ENTREP2: variants seen among roughly 807,000 people sequenced by gnomAD.
ENTREP2 encodes protein ENTREP2.
the ENTREP2 span, among the ~76,000 whole-genome samples, chr15:29,485,430 G>T: frequency 1.3e-5 from 2 of 152,166 alleles, no homozygotes; most frequent in South Asian, 4.1e-4. Context: ...GCTGCTGAAG[G>T]ACTGATTCAA....
the ENTREP2 span, among the ~76,000 whole-genome samples, chr15:29,205,567 A>G: frequency 1.3e-5 from 2 of 152,096 alleles, no homozygotes; most frequent in South Asian, 2.1e-4. Flanking sequence ...TTCCCTAACC[A>G]TTAGTGATGT....
the ENTREP2 span, chr15:29,570,476 C>A: frequency 8.0e-7 from 1 of 1,246,560 alleles, no homozygotes. Context: ...GTCCCCGGAG[C>A]CCGTCCCCGC....
chr15:29,499,596 A>C, the ENTREP2 span, among the ~76,000 whole-genome samples: 1 of 151,620 alleles, frequency 6.6e-6, no homozygotes, highest in East Asian at 1.9e-4. Context: ...GGCTGATGTC[A>C]AACACCTAGG....
chr15:29,385,540 G>A, the ENTREP2 span, among the ~76,000 whole-genome samples: 53 of 152,290 alleles, frequency 3.5e-4, no homozygotes, highest in Non-Finnish European at 5.3e-4. Context: ...GTGACCCCTG[G>A]CCTTACAGAA....
chr15:29,509,484 C>T, the ENTREP2 span, among the ~76,000 whole-genome samples: 59 of 152,256 alleles, frequency 3.9e-4, no homozygotes, highest in Non-Finnish European at 7.8e-4. Flanking sequence ...GAGGGCATCA[C>T]GCTACCTGAC....
chr15:29,149,707 T>C, the ENTREP2 span, among the ~76,000 whole-genome samples: 1 of 152,196 alleles, frequency 6.6e-6, no homozygotes, highest in African/African-American at 2.4e-5. Context: ...TAGGGCGCCA[T>C]GGCCACCCTC....
chr15:29,333,303 T>G, the ENTREP2 span, among the ~76,000 whole-genome samples: 7 of 152,118 alleles, frequency 4.6e-5, no homozygotes, highest in African/African-American at 1.7e-4. Flanking sequence ...ACCTCTGACC[T>G]CTGAGCTGAG....
chr15:29,422,097 G>A, the ENTREP2 span, among the ~76,000 whole-genome samples: 2 of 152,002 alleles, frequency 1.3e-5, no homozygotes, highest in Non-Finnish European at 2.9e-5. Flanking sequence ...GTGGAACCCT[G>A]TCTGTACTAA....
the ENTREP2 span, among the ~76,000 whole-genome samples, chr15:29,569,303 C>T: frequency 5.3e-5 from 8 of 151,990 alleles, no homozygotes; most frequent in African/African-American, 1.9e-4. Flanking sequence ...ACACCTGTAT[C>T]GATCGAGGTG....
chr15:29,352,823 T>C, the ENTREP2 span, among the ~76,000 whole-genome samples: 9,581 of 152,292 alleles, frequency 0.063, 524 homozygotes, highest in African/African-American at 0.14. Flanking sequence ...TTTAGAATTT[T>C]TTCTTCTTGT....
chr15:29,138,816 C>T, the ENTREP2 span, among the ~76,000 whole-genome samples: 1 of 151,788 alleles, frequency 6.6e-6, no homozygotes, highest in Non-Finnish European at 1.5e-5. Context: ...TGTGTGGGGA[C>T]TGCGCTCCCC....
the ENTREP2 span, among the ~76,000 whole-genome samples, chr15:29,648,927 G>A: frequency 3.0e-3 from 454 of 149,006 alleles, no homozygotes; most frequent in African/African-American, 0.011. Context: ...CAACAAGAGC[G>A]AAAACTCTAA....
At chr15:29,158,950 A>ATCC in the ENTREP2 span, among the ~76,000 whole-genome samples, 2 of 152,204 alleles carry the variant, frequency 1.3e-5, no homozygotes, top group Admixed American at 6.5e-5. Flanking sequence ...GGATATTAAT[A>ATCC]ATAAGATTAA....
At chr15:29,591,850 AAGAAGAAGAAGAAGAAGAAGAAGAAG>A in the ENTREP2 span, among the ~76,000 whole-genome samples, 1 of 14,014 alleles carries the variant, frequency 7.1e-5, no homozygotes, top group East Asian at 2.0e-3. Context: ...GAAGAAGAAG[AAGAAGAAGAAGAAGAAGAAGAAGAAG>A]AAGAAGAAGA....
chr15:29,149,274 C>T, the ENTREP2 span, among the ~76,000 whole-genome samples: 1 of 152,216 alleles, frequency 6.6e-6, no homozygotes, highest in East Asian at 1.9e-4. Context: ...CGAACCTTTC[C>T]AAAGAACTCG....
chr15:29,570,461 G>T, the ENTREP2 span: 1 of 1,131,030 alleles, frequency 8.8e-7, no homozygotes, highest in Non-Finnish European at 1.1e-6. Context: ...CCCCCGGCCC[G>T]CGCAGTCCCC....
At chr15:29,302,230 T>C in the ENTREP2 span, among the ~76,000 whole-genome samples, 1 of 152,216 alleles carries the variant, frequency 6.6e-6, no homozygotes, top group African/African-American at 2.4e-5. Context: ...AAAACTATTC[T>C]GAAAAAAGCC....
chr15:29,564,247 A>G, the ENTREP2 span, among the ~76,000 whole-genome samples: 101 of 152,212 alleles, frequency 6.6e-4, no homozygotes, highest in Non-Finnish European at 9.3e-4. Flanking sequence ...TAAAGCTCAG[A>G]AAGATCTCTT....
At chr15:29,269,610 G>A in the ENTREP2 span, 9 of 1,563,032 alleles carry the variant, frequency 5.8e-6, no homozygotes, top group Admixed American at 1.9e-5. Flanking sequence ...CGTCTTCCCC[G>A]GCCCGCGAAG....
Sources: allele counts gnomAD v4.1 joint callset (sites outside exome capture counted in the v4.1 genomes callset), GRCh38; gene constraint gnomAD v4.1.1; transcripts MANE v1.5; gene names NCBI Gene and HGNC (gene_info 2026-07-23, HGNC 2026-07-21).